Variants in NAA35 observed in about 807,000 individuals in gnomAD.
The protein encoded by NAA35 is MAK10 homolog, amino-acid N-acetyltransferase subunit.
NAA35 carries 18 observed loss-of-function variants against 101.7 expected under a neutral mutation model. The ratio of observed to expected loss-of-function variants is 0.18; its 90% CI spans 0.12 to 0.26. NAA35 has a LOEUF of 0.26. NAA35 is among the 10% of genes least tolerant of loss of function. The probability of loss-of-function intolerance (pLI) is 1.00; values close to 1 mark genes in which losing one functional copy is unlikely to be tolerated. For missense variants in NAA35, 601 were observed against 886.8 expected, an observed-to-expected ratio of 0.68 and a Z score of 4.09; for synonymous variants, 267 against 273.1, an observed-to-expected ratio of 0.98 and a Z score of 0.22.
intron 16 of NAA35, 78 bp from the exon 17 acceptor site, chr9:86,013,641 G>T: frequency 7.5e-7 from 1 of 1,327,382 alleles, no homozygotes; most frequent in South Asian, 1.5e-5. Context: ...ATTCTTTTTA[G>T]CTGTACGTTT....
Position 86,008,638 on chromosome 9 carries a change from A to G in NAA35, c.1223+1174A>G, listed in dbSNP as rs916823076. Among the ~76,000 whole-genome samples the G allele has an allele frequency of 2.0e-5, 3 of 152,248 alleles. No individual in the cohort carries two copies. In the South Asian group the frequency reaches 6.2e-4, roughly 31 times the overall value. ...CAATGATTTAATAGTCTAATTTAGT[A>G]TCTTCAGAAACTTTATGGAACATAA... On this transcript the variant is annotated intron_variant, in intron 14 of 22. Coordinates refer to ENST00000361671, the MANE Select transcript of NAA35 (RefSeq NM_024635.4).
intron 11 of NAA35, among the ~76,000 whole-genome samples, chr9:85,989,467 TCAAAAAA>T (rs943474815): frequency 6.6e-6 from 1 of 150,828 alleles, no homozygotes; most frequent in South Asian, 2.1e-4. Flanking sequence ...TGAGACTCTG[TCAAAAAA>T]CAAAAAACAA....
chr9:85,991,820 G>C (rs1830924409), intron 11 of NAA35, among the ~76,000 whole-genome samples: 1 of 152,160 alleles, frequency 6.6e-6, no homozygotes, highest in African/African-American at 2.4e-5. Flanking sequence ...TAAGGGTCTT[G>C]TGATGAGGGG....
rs755592376 is a variant in NAA35, at chr9:85,958,459, T to G, written c.159-13T>G. The G allele has an allele frequency of 1.9e-6, 3 of 1,564,590 alleles. No homozygotes were observed. The highest frequency in any genetic ancestry group is 1.7e-6 in the Non-Finnish European group (2 of 1,142,906). ...TCAAAAACAATTTGTTGGCTCAATT[T>G]TTTTATTTGCAGATTTGGTCTTTTT... On this transcript the variant is annotated splice_polypyrimidine_tract_variant and intron_variant, in intron 3 of 22. Coordinates refer to ENST00000361671, the MANE Select transcript of NAA35 (RefSeq NM_024635.4).
At chr9:85,942,030 A>T in intron 1 of NAA35, 125 bp from the exon 2 acceptor site, 2 of 1,419,762 alleles carry the variant, frequency 1.4e-6, no homozygotes, top group Non-Finnish European at 1.9e-6. Context: ...CCTTAGACTC[A>T]GAAGAGTTCT....
intron 20 of NAA35, 76 bp downstream of exon 20, chr9:86,018,471 C>T: frequency 6.9e-7 from 1 of 1,458,770 alleles, no homozygotes; most frequent in Non-Finnish European, 9.3e-7. Flanking sequence ...TGTACCTAGC[C>T]ATCTTGTTAC....
At chr9:85,970,997 T>C (rs1055176144) in intron 6 of NAA35, among the ~76,000 whole-genome samples, 6 of 152,224 alleles carry the variant, frequency 3.9e-5, no homozygotes, top group African/African-American at 1.2e-4. Context: ...ATTCCTGTTA[T>C]AATCTAAGCT....
chr9:85,962,963 A>G (rs2117902653), intron 6 of NAA35, among the ~76,000 whole-genome samples: 1 of 152,330 alleles, frequency 6.6e-6, no homozygotes, highest in South Asian at 2.1e-4. Flanking sequence ...CCCCTTTAGT[A>G]TAAAAAATAA....
intron 17 of NAA35, among the ~76,000 whole-genome samples, chr9:86,016,146 T>C (rs1348163660): frequency 6.6e-6 from 1 of 151,870 alleles, no homozygotes; most frequent in Non-Finnish European, 1.5e-5. Flanking sequence ...CTCAAGTAAA[T>C]TGTAAATGTG....
intron 21 of NAA35, among the ~76,000 whole-genome samples, chr9:86,020,472 T>C (rs1422335407): frequency 2.0e-5 from 3 of 152,116 alleles, no homozygotes; most frequent in Non-Finnish European, 4.4e-5. Flanking sequence ...AAAAGAAATA[T>C]ATTTATAATT....
chr9:85,978,444 T>G, intron 11 of NAA35, 63 bp downstream of exon 11: 2 of 1,143,946 alleles, frequency 1.7e-6, no homozygotes, highest in Non-Finnish European at 2.6e-6. Flanking sequence ...ATTTAGTGCT[T>G]AGCTTGTACT....
chr9:85,996,991 C>G (rs377569448), intron 12 of NAA35, among the ~76,000 whole-genome samples: 1 of 151,604 alleles, frequency 6.6e-6, no homozygotes, highest in African/African-American at 2.4e-5. Context: ...TGATCTGTCA[C>G]CTACATTGGA....
chr9:85,943,094 T>C (rs1288135181), intron 2 of NAA35, among the ~76,000 whole-genome samples: 4 of 152,186 alleles, frequency 2.6e-5, no homozygotes, highest in African/African-American at 4.8e-5. Flanking sequence ...AACCCTAGTA[T>C]ACAGAACAGT....
intron 6 of NAA35, 94 bp from the exon 7 acceptor site, chr9:85,974,873 A>C: frequency 1.2e-6 from 1 of 852,982 alleles, no homozygotes; most frequent in East Asian, 2.5e-5. Flanking sequence ...TTAAATAGTG[A>C]TTTTGTAAGA....
chr9:85,962,983 C>T (rs1402156423), intron 6 of NAA35, among the ~76,000 whole-genome samples: 5 of 151,842 alleles, frequency 3.3e-5, no homozygotes, highest in African/African-American at 7.3e-5. Context: ...AGCTTTCAGA[C>T]GCTGATAATT....
At chr9:85,972,509 CAA>C (rs34535924) in intron 6 of NAA35, among the ~76,000 whole-genome samples, 1,377 of 53,894 alleles carry the variant, frequency 0.026, no homozygotes, top group African/African-American at 0.04. Flanking sequence ...GACCCTGTCT[CAA>C]AAAAAAAAAA....
At chr9:86,013,691 C>A in intron 16 of NAA35, 28 bp from the exon 17 acceptor site, 1 of 1,578,370 alleles carries the variant, frequency 6.3e-7, no homozygotes, top group Non-Finnish European at 8.6e-7. Flanking sequence ...ACAAAACGAA[C>A]ACAGTTTATG....
In NAA35 at chr9:85,948,172, T is replaced by C. The variant is rs560764159; in HGVS notation, c.124+5889T>C. ...CTGTGGACTTAACCCCTTATAGTTA[T>C]AGGTAGCTACACTGTGGATATGCAA... is the stretch of plus-strand genomic sequence containing the variant. On this transcript the variant is annotated intron_variant, in intron 2 of 22. Transcript: ENST00000361671. 1.4e-4 allele frequency among the ~76,000 whole-genome samples: 21 copies of C among 152,318 alleles called. No individual in the cohort carries two copies. In the South Asian group the frequency reaches 4.1e-3, roughly 30 times the overall value.
chr9:85,950,226 ATAG>A (rs1033528708), intron 2 of NAA35, among the ~76,000 whole-genome samples: 1 of 152,130 alleles, frequency 6.6e-6, no homozygotes, highest in African/African-American at 2.4e-5. Flanking sequence ...ATAAAGTTTA[ATAG>A]TGAGAGATAT....
Sources: allele counts gnomAD v4.1 joint callset (sites outside exome capture counted in the v4.1 genomes callset), GRCh38; gene constraint gnomAD v4.1.1; transcripts MANE v1.5; gene names NCBI Gene and HGNC (gene_info 2026-07-23, HGNC 2026-07-21).